Variants in FOXO3B observed in about 807,000 individuals in gnomAD.
The protein encoded by FOXO3B is forkhead box O3B, also known as forkhead box protein O3B.
Under a neutral mutation model 21.9 loss-of-function variants are expected in FOXO3B, and 15 were observed. That is an observed-to-expected ratio of 0.68 (90% CI 0.46 to 1.05). The LOEUF is 1.05. FOXO3B is among the 50% of genes least tolerant of loss of function. The pLI is 0.00. For missense variants in FOXO3B, 293 were observed against 435.5 expected (o/e 0.67, Z 2.91); for synonymous variants, 135 against 213.6 (o/e 0.63, Z 3.21).
Position 18,669,324 on chromosome 17 carries a change from C to T in FOXO3B, c.*2985G>A, listed in dbSNP as rs914873580. 42 of 139,222 alleles carry T rather than the reference C, an allele frequency of 3.0e-4. No individual in the cohort carries two copies. Among genetic ancestry groups the T allele is most frequent in the Non-Finnish European group, 6.1e-4 (40 of 66,112 alleles). The allele number at this position is 139,222 out of a possible 1,614,324, so 8.6% of individuals were successfully genotyped here. ...AAGCAGGGAAGTCTGTGCTGAAATA[C>T]TAGCCTGTATTCCTAAGGCCCATGC... On this transcript the variant is annotated 3_prime_UTR_variant, in exon 4 of 4. Transcript: ENST00000395675.
intron 3 of FOXO3B, among the ~76,000 whole-genome samples, chr17:18,674,639 A>AAGGG (rs61684359): frequency 1.6e-5 from 2 of 121,460 alleles, no homozygotes; most frequent in African/African-American, 7.0e-5. Flanking sequence ...AAAAAAAAAA[A>AAGGG]GGGGGGGGGG....
intron 3 of FOXO3B, among the ~76,000 whole-genome samples, chr17:18,676,551 C>G (rs1448149929): frequency 3.3e-5 from 5 of 152,180 alleles, no homozygotes; most frequent in Admixed American, 3.3e-4. Flanking sequence ...AAAAGTGTAA[C>G]AATAAAACAT....
intron 3 of FOXO3B, among the ~76,000 whole-genome samples, chr17:18,678,839 G>T (rs1007324283): frequency 5.9e-5 from 9 of 152,204 alleles, no homozygotes; most frequent in African/African-American, 2.2e-4. Context: ...TGGGATGTTT[G>T]TGCGTGCACG....
At chr17:18,677,622 T>A (rs1230205530) in intron 3 of FOXO3B, 5 of 1,608,226 alleles carry the variant, frequency 3.1e-6, no homozygotes, top group Non-Finnish European at 4.2e-6. Flanking sequence ...CACTGCAGCT[T>A]CCTCCACCGA....
intron 3 of FOXO3B, among the ~76,000 whole-genome samples, chr17:18,678,987 C>T (rs113140679): frequency 6.6e-6 from 1 of 150,492 alleles, no homozygotes; most frequent in Non-Finnish European, 1.5e-5. Context: ...AGAATCTGCC[C>T]TTTTTCTCTG....
chr17:18,671,736 G>C lies in FOXO3B; in HGVS notation c.*573C>G, dbSNP rs200290888. 1.1e-3 allele frequency: 1,716 copies of C among 1,613,680 alleles called. 9 individuals are homozygous for C. The highest frequency in any genetic ancestry group is 5.4e-3 in the Middle Eastern group (33 of 6,060). ...CCCAGTGGGCGATGGCTGGGATGGC[G>C]GGAGCGTGATGTTATCCAGCAGGTC... is the stretch of plus-strand genomic sequence containing the variant. On this transcript the variant is annotated 3_prime_UTR_variant, in exon 4 of 4. Coordinates refer to ENST00000395675, the MANE Select transcript of FOXO3B (RefSeq NM_001368135.1).
intron 3 of FOXO3B, among the ~76,000 whole-genome samples, chr17:18,680,040 C>T (rs1335221410): frequency 1.3e-5 from 2 of 152,074 alleles, no homozygotes; most frequent in Non-Finnish European, 2.9e-5. Context: ...GAGGTTTCAC[C>T]GTGTTAGCCA....
chr17:18,674,543 G>A (rs1053540769), intron 3 of FOXO3B, among the ~76,000 whole-genome samples: 5 of 147,240 alleles, frequency 3.4e-5, no homozygotes, highest in East Asian at 2.1e-4. Flanking sequence ...GGAGAATGGC[G>A]TGAACCCAGG....
In FOXO3B at chr17:18,671,694, C is replaced by A; in HGVS notation, c.*615G>T. The A allele has an allele frequency of 6.2e-7, 1 of 1,613,574 alleles. No individual in the cohort carries two copies. Among genetic ancestry groups the A allele is most frequent in the Non-Finnish European group, 8.5e-7 (1 of 1,180,018 alleles). On this transcript the variant is annotated 3_prime_UTR_variant, in exon 4 of 4. Coordinates refer to ENST00000395675, the MANE Select transcript of FOXO3B (RefSeq NM_001368135.1). Reference sequence around the variant, plus strand: ...CTTGGTGGTATACGGGAAGCTAGAACTCCGCTGCATGAGTCCCCCAGTGGG... The same window carrying A: ...CTTGGTGGTATACGGGAAGCTAGAAATCCGCTGCATGAGTCCCCCAGTGGG...
chr17:18,671,851 C>T lies in FOXO3B; in HGVS notation c.*458G>A. ...TAGCAGTTCCACCGTGCACGGCTTG[C>T]TTACTGAAGGTGACAGGCTCGCTGA... is the stretch of plus-strand genomic sequence containing the variant. On this transcript the variant is annotated 3_prime_UTR_variant, in exon 4 of 4. Transcript: ENST00000395675. The T allele has an allele frequency of 6.2e-7, 1 of 1,612,844 alleles. No individual in the cohort carries two copies. The highest frequency in any genetic ancestry group is 1.1e-5 in the South Asian group (1 of 91,010).
At position 18,671,298 on chromosome 17, in the gene FOXO3B, G is replaced by T; in HGVS notation, c.*1011C>A. 1.2e-6 allele frequency: 2 copies of T among 1,608,036 alleles called. No individual in the cohort carries two copies. Among genetic ancestry groups the T allele is most frequent in the Non-Finnish European group, 8.5e-7 (1 of 1,175,090 alleles). ...CGACAAGGCACGGCTGCCACCAAGA[G>T]CGCCCTGGGTTTGGTGCTGGTGGTG... On this transcript the variant is annotated 3_prime_UTR_variant, in exon 4 of 4. Transcript: ENST00000395675.
chr17:18,672,907 G>A lies in FOXO3B; in HGVS notation c.275C>T (p.Ser92Phe). Residue 92 changes from serine (S) to phenylalanine (F), a missense_variant, in exon 4 of 4, where the codon TCC becomes TTC. Physicochemically the swap from Ser to Phe is radical, Grantham distance 155. Transcript: ENST00000395675. This position sits in a 1 kb window ranked among gnomAD's most constrained non-coding sequence, Gnocchi z 4.2. ...TTCGAGCGGAGAAAGCGGGGCCGGG[G>A]AAGCCGGTGCCTCTGCCATCTTCGC... Reference protein sequence around the residue: ...RAAKMAEAPASPAPLSPLEVE... With the variant: ...RAAKMAEAPAFPAPLSPLEVE... The A allele has an allele frequency of 6.5e-7, 1 of 1,549,582 alleles. No individual in the cohort carries two copies. The highest frequency in any genetic ancestry group is 8.7e-7 in the Non-Finnish European group (1 of 1,149,032).
intron 3 of FOXO3B, among the ~76,000 whole-genome samples, chr17:18,679,640 G>A (rs563029779): frequency 5.3e-5 from 8 of 151,930 alleles, no homozygotes; most frequent in Middle Eastern, 3.4e-3. Flanking sequence ...TAAAGACGAG[G>A]TTTCACCATG....
At chr17:18,677,463 C>A in intron 3 of FOXO3B, 7 of 1,614,180 alleles carry the variant, frequency 4.3e-6, no homozygotes, top group Non-Finnish European at 5.9e-6. Flanking sequence ...CCACCCTAAC[C>A]CCGAGTCTGC....
Position 18,668,933 on chromosome 17 carries a change from C to G in FOXO3B, c.*3376G>C, listed in dbSNP as rs2032315226. On this transcript the variant is annotated 3_prime_UTR_variant, in exon 4 of 4. Coordinates refer to ENST00000395675, the MANE Select transcript of FOXO3B (RefSeq NM_001368135.1). ...GCAGACCATATGAATAGAATACATACTTTAAAAAATTATACATACTTTAAA... is the reference window on the plus strand; with the variant it reads ...GCAGACCATATGAATAGAATACATAGTTTAAAAAATTATACATACTTTAAA... 6.6e-6 allele frequency: 1 copy of G among 152,394 alleles called. No homozygotes were observed. Among genetic ancestry groups the G allele is most frequent in the Non-Finnish European group, 1.5e-5 (1 of 68,044 alleles). The allele number at this position is 152,394 out of a possible 1,614,324, so 9.4% of individuals were successfully genotyped here.
At chr17:18,673,201 CTT>C in intron 3 of FOXO3B, 146 bp from the exon 4 acceptor site, 3 of 1,184,140 alleles carry the variant, frequency 2.5e-6, no homozygotes. Flanking sequence ...CTTAATAACA[CTT>C]TTTGTTTAAA....
rs2032325531 is a variant in FOXO3B, at chr17:18,669,552, A to G, written c.*2757T>C. On this transcript the variant is annotated 3_prime_UTR_variant, in exon 4 of 4. Transcript: ENST00000395675. Reference sequence around the variant, plus strand: ...CCGTCTACCAAAGAAGGTAACGAATATAATCACACTTTCCAGGTTAAACAG... The same window carrying G: ...CCGTCTACCAAAGAAGGTAACGAATGTAATCACACTTTCCAGGTTAAACAG... The G allele has an allele frequency of 6.6e-6, 1 of 152,646 alleles. No homozygotes were observed. Among genetic ancestry groups the G allele is most frequent in the Admixed American group, 6.5e-5 (1 of 15,282 alleles). The allele number at this position is 152,646 out of a possible 1,614,324, so 9.5% of individuals were successfully genotyped here.
Position 18,670,189 on chromosome 17 carries a change from G to A in FOXO3B, c.*2120C>T, listed in dbSNP as rs948612571. 6.6e-5 allele frequency among the ~76,000 whole-genome samples: 10 copies of A among 152,330 alleles called. 1 individual carries two copies. In the South Asian group the frequency reaches 1.2e-3, roughly 19 times the overall value. On this transcript the variant is annotated 3_prime_UTR_variant, in exon 4 of 4. Coordinates refer to ENST00000395675, the MANE Select transcript of FOXO3B (RefSeq NM_001368135.1). ...GAACTGGAAACACACTGGGCTGGAC[G>A]CTGTGCTCCACTCGTTTTGCCTATG...
At chr17:18,677,115 A>T (rs769693620) in intron 3 of FOXO3B, 1 of 679,540 alleles carries the variant, frequency 1.5e-6, no homozygotes, top group Non-Finnish European at 2.5e-6. Flanking sequence ...TTAAGTGTTG[A>T]CAAGCATGTG....
Sources: allele counts gnomAD v4.1 joint callset (sites outside exome capture counted in the v4.1 genomes callset), GRCh38; gene constraint gnomAD v4.1.1; non-coding constraint Gnocchi (gnomAD v3.1); transcripts MANE v1.5; gene names NCBI Gene and HGNC (gene_info 2026-07-23, HGNC 2026-07-21).